RREB1: variants seen among roughly 807,000 people sequenced by gnomAD.
The protein encoded by RREB1 is ras responsive element binding protein 1.
Under a neutral mutation model 117.8 loss-of-function variants are expected in RREB1, and 27 were observed. The ratio of observed to expected loss-of-function variants is 0.23; its 90% confidence interval spans 0.17 to 0.32. The LOEUF is 0.32. Ranked by LOEUF, RREB1 falls within the 10% of genes least tolerant of loss-of-function variation. The pLI, the probability that RREB1 is intolerant of heterozygous loss-of-function variation, is 1.00. For missense variants in RREB1, 2,577 were observed against 2,378.2 expected (o/e 1.08, Z -1.74); for synonymous variants, 1,298 against 1,026.7 (o/e 1.26, Z -5.05).
intron 1 of RREB1, among the ~76,000 whole-genome samples, chr6:7,143,049 G>A (rs144742702): frequency 2.6e-5 from 4 of 152,206 alleles, no homozygotes; most frequent in African/African-American, 9.6e-5. Context: ...AACTTGTCTT[G>A]AGACAAATGA....
At chr6:7,168,254 GA>G (rs574593859) in intron 1 of RREB1, among the ~76,000 whole-genome samples, 5,613 of 72,852 alleles carry the variant, frequency 0.077, 256 homozygotes, top group African/African-American at 0.21. Context: ...GACTCCGTCT[GA>G]AAAAAAAAAA....
At chr6:7,165,361 G>A (rs1306256981) in intron 1 of RREB1, among the ~76,000 whole-genome samples, 1 of 152,198 alleles carries the variant, frequency 6.6e-6, no homozygotes, top group Non-Finnish European at 1.5e-5. Context: ...GAGTAGGGAT[G>A]TCCTTTTTAA....
intron 1 of RREB1, among the ~76,000 whole-genome samples, chr6:7,130,596 A>C (rs1483814371): frequency 1.4e-5 from 2 of 145,214 alleles, no homozygotes; most frequent in African/African-American, 5.1e-5. Flanking sequence ...TACCCTCCCC[A>C]TTTACTTTTG....
intron 5 of RREB1, 33 bp downstream of exon 5, chr6:7,187,556 T>TTTTA: frequency 1.4e-6 from 1 of 735,340 alleles, no homozygotes. Flanking sequence ...TTTTATTTTA[T>TTTTA]TTTATTTTAT....
intron 1 of RREB1, among the ~76,000 whole-genome samples, chr6:7,132,665 A>C (rs530348829): frequency 6.6e-6 from 1 of 152,362 alleles, no homozygotes; most frequent in South Asian, 2.1e-4. Context: ...TGTTGAAAAC[A>C]GCTTTTGCTC....
intron 1 of RREB1, among the ~76,000 whole-genome samples, chr6:7,139,044 C>A (rs1762455594): frequency 6.6e-6 from 1 of 152,168 alleles, no homozygotes; most frequent in South Asian, 2.1e-4. Flanking sequence ...TTTTCGTGCA[C>A]TGAATGAATA....
chr6:7,182,330 A>AT (rs1413146725), intron 4 of RREB1, among the ~76,000 whole-genome samples: 1 of 152,110 alleles, frequency 6.6e-6, no homozygotes, highest in Admixed American at 6.5e-5. Flanking sequence ...CCACCATTGG[A>AT]TTTTAACTCA....
intron 11 of RREB1, among the ~76,000 whole-genome samples, chr6:7,242,391 C>A (rs1768761749): frequency 6.6e-6 from 1 of 152,124 alleles, no homozygotes; most frequent in Admixed American, 6.5e-5. Context: ...CCACCCCACC[C>A]CGGAAGTTAT....
intron 8 of RREB1, among the ~76,000 whole-genome samples, chr6:7,223,830 C>G (rs1390753540): frequency 6.6e-6 from 1 of 152,188 alleles, no homozygotes; most frequent in Non-Finnish European, 1.5e-5. Flanking sequence ...ACCTCTCAGT[C>G]CTACCTGCCT....
intron 6 of RREB1, among the ~76,000 whole-genome samples, chr6:7,209,572 CTTTTTTTTT>C (rs397961662): frequency 7.7e-6 from 1 of 129,336 alleles, no homozygotes; most frequent in Non-Finnish European, 1.6e-5. Flanking sequence ...TATTTCTTTC[CTTTTTTTTT>C]TTTTTTTTTT....
chr6:7,199,217 C>G (rs1448421583), intron 6 of RREB1, among the ~76,000 whole-genome samples: 1 of 152,186 alleles, frequency 6.6e-6, no homozygotes, highest in Non-Finnish European at 1.5e-5. Context: ...CTGGAATGGT[C>G]AAGAGCCTCA....
chr6:7,146,249 A>G (rs1762851904), intron 1 of RREB1, among the ~76,000 whole-genome samples: 1 of 152,118 alleles, frequency 6.6e-6, no homozygotes, highest in African/African-American at 2.4e-5. Flanking sequence ...TTTCTAGAGC[A>G]GTCTGTGGCC....
At chr6:7,115,345 T>A (rs1366570104) in intron 1 of RREB1, among the ~76,000 whole-genome samples, 4 of 151,946 alleles carry the variant, frequency 2.6e-5, no homozygotes, top group Admixed American at 2.0e-4. Flanking sequence ...ATCTGACCCT[T>A]GGCCTTCCCC....
intron 6 of RREB1, among the ~76,000 whole-genome samples, chr6:7,202,764 G>T (rs1581531930): frequency 6.6e-6 from 1 of 152,142 alleles, no homozygotes; most frequent in South Asian, 2.1e-4. Context: ...GGTATCTAAG[G>T]CCTGTCCGTG....
intron 1 of RREB1, among the ~76,000 whole-genome samples, chr6:7,137,706 G>C (rs138953402): frequency 9.2e-5 from 14 of 152,102 alleles, no homozygotes; most frequent in Middle Eastern, 6.8e-3. Flanking sequence ...CCTCCAGCAC[G>C]TGAGAGTCGT....
At chr6:7,147,500 T>C (rs1250464407) in intron 1 of RREB1, among the ~76,000 whole-genome samples, 2 of 152,196 alleles carry the variant, frequency 1.3e-5, no homozygotes, top group Non-Finnish European at 2.9e-5. Flanking sequence ...GATATTTGGA[T>C]ATTACCTAAA....
chr6:7,121,979 G>A (rs749873209), intron 1 of RREB1, among the ~76,000 whole-genome samples: 18 of 152,062 alleles, frequency 1.2e-4, no homozygotes, highest in South Asian at 4.2e-4. Flanking sequence ...TCTGCTTCCC[G>A]AGGGAAGGTG....
At chr6:7,210,684 T>C in intron 6 of RREB1, 120 bp from the exon 7 acceptor site, 4 of 755,140 alleles carry the variant, frequency 5.3e-6, no homozygotes, top group Non-Finnish European at 4.2e-6. Context: ...GTATAAATTA[T>C]ACCTCATATC....
rs764480513 is a variant in RREB1, at chr6:7,230,359, G to A, written c.2260G>A (p.Val754Met). Reference protein sequence around the residue: ...LVDAFCAPDTVCRLCGEDLKH... With the variant: ...LVDAFCAPDTMCRLCGEDLKH... ...GGACGCCTTCTGCGCCCCGGACACC[G>A]TGTGCCGGCTGTGCGGCGAGGACCT... The change falls in exon 10 of 13, where the codon GTG becomes ATG. Residue 754 changes from valine (V) to methionine (M), a missense_variant. By Grantham distance (21) the Val-to-Met change is conservative. Transcript: ENST00000379938. 3 of 1,591,780 alleles carry A rather than the reference G, an allele frequency of 1.9e-6. No homozygotes were observed. The highest frequency in any genetic ancestry group is 1.3e-5 in the African/African-American group (1 of 74,904).
Sources: allele counts gnomAD v4.1 joint callset (sites outside exome capture counted in the v4.1 genomes callset), GRCh38; gene constraint gnomAD v4.1.1; transcripts MANE v1.5; gene names NCBI Gene and HGNC (gene_info 2026-07-23, HGNC 2026-07-21).